GRB10: variants seen among roughly 807,000 people sequenced by gnomAD.
GRB10 encodes the protein growth factor receptor bound protein 10, also known as growth factor receptor-bound protein 10.
GRB10 carries 20 observed loss-of-function variants against 80.9 expected under a neutral mutation model. The ratio of observed to expected loss-of-function variants is 0.25; its 90% CI spans 0.17 to 0.36. The LOEUF (loss-of-function observed/expected upper bound fraction) is 0.36. Among genes scored for constraint, GRB10 ranks in the 10% least tolerant of loss-of-function variants. The probability of loss-of-function intolerance (pLI) is 1.00; values close to 1 mark genes in which losing one functional copy is unlikely to be tolerated. For synonymous variants in GRB10, 291 were observed against 291.5 expected (o/e 1.00, Z 0.02); for missense variants, 548 against 747.7 (o/e 0.73, Z 3.12).
chr7:50,633,413 A>C (rs919393597), intron 7 of GRB10, among the ~76,000 whole-genome samples: 1 of 152,224 alleles, frequency 6.6e-6, no homozygotes, highest in Non-Finnish European at 1.5e-5. Context: ...GAGGGAAGAA[A>C]AAATACCAAG....
At chr7:50,729,641 T>C (rs938640597) in intron 4 of GRB10, among the ~76,000 whole-genome samples, 5 of 152,136 alleles carry the variant, frequency 3.3e-5, no homozygotes, top group East Asian at 3.9e-4. Context: ...TGCCGTGGCA[T>C]AATAAATGAG....
chr7:50,729,724 C>G (rs2069303700), intron 4 of GRB10, among the ~76,000 whole-genome samples: 1 of 143,164 alleles, frequency 7.0e-6, no homozygotes, highest in Non-Finnish European at 1.5e-5. Flanking sequence ...CTAACGGAGC[C>G]CCCCCCGAAG....
At chr7:50,759,480 G>A (rs2075501495) in intron 2 of GRB10, among the ~76,000 whole-genome samples, 1 of 152,098 alleles carries the variant, frequency 6.6e-6, no homozygotes, top group Non-Finnish European at 1.5e-5. Context: ...ATAAAATGGC[G>A]TAGTATTTGG....
At chr7:50,793,416 C>CGCCCGGCCGCAGCTCGCT (rs1194699953) in exon 1 of GRB10, 1 of 148,642 alleles carries the variant, frequency 6.7e-6, no homozygotes, top group African/African-American at 2.4e-5. Context: ...GCGCCGAGCC[C>CGCCCGGCCGCAGCTCGCT]GCCCGGCCGC....
chr7:50,674,335 C>G lies in GRB10; in HGVS notation c.362+101G>C. The G allele has an allele frequency of 5.9e-6, 7 of 1,187,612 alleles. No individual in the cohort carries two copies. In the South Asian group the frequency reaches 6.4e-5, roughly 11 times the overall value. 73.6% of individuals were successfully genotyped at this position (1,187,612 alleles called of 1,614,324 possible). ...TATCTGCCTCTTGACTTTGCAAGAC[C>G]AACACTATTCCCCCCAACACCATTT... On this transcript the variant is annotated intron_variant, in intron 6 of 18. Transcript: ENST00000401949.
At chr7:50,701,313 T>C (rs1487410122) in intron 5 of GRB10, among the ~76,000 whole-genome samples, 1 of 152,194 alleles carries the variant, frequency 6.6e-6, no homozygotes, top group Non-Finnish European at 1.5e-5. Flanking sequence ...ATCATTCTTC[T>C]AGGCCAGGCA....
intron 5 of GRB10, among the ~76,000 whole-genome samples, chr7:50,695,112 TC>T (rs2063285968): frequency 6.6e-6 from 1 of 152,130 alleles, no homozygotes; most frequent in Admixed American, 6.5e-5. Flanking sequence ...CCATGACTTC[TC>T]CCCACTGCCT....
In GRB10 at chr7:50,627,112, C is replaced by T. The variant is rs1585915410; in HGVS notation, c.505-134G>A. The T allele has an allele frequency of 2.4e-5, 21 of 871,580 alleles. No individual in the cohort carries two copies. In the South Asian group the frequency reaches 2.8e-4, roughly 12 times the overall value. 54.0% of individuals were successfully genotyped at this position (871,580 alleles called of 1,614,324 possible). ...ATGGGCAACTGTTTTTCCAGGCAGC[C>T]AACAGGTCCCCACCAGCTGCAGGGA... On this transcript the variant is annotated intron_variant, in intron 7 of 18. Coordinates refer to ENST00000401949, the MANE Select transcript of GRB10 (RefSeq NM_001350814.2).
chr7:50,703,101 T>C (rs1364428726), intron 5 of GRB10, among the ~76,000 whole-genome samples: 1 of 152,250 alleles, frequency 6.6e-6, no homozygotes, highest in Non-Finnish European at 1.5e-5. Context: ...CTTCTAACAA[T>C]TGAGAAAACA....
Position 50,592,860 on chromosome 7 carries a change from C to T in GRB10, c.*92G>A, listed in dbSNP as rs779045152. The T allele has an allele frequency of 2.3e-5, 33 of 1,413,310 alleles. No individual in the cohort carries two copies. Among genetic ancestry groups the T allele is most frequent in the Non-Finnish European group, 2.8e-5 (28 of 1,000,728 alleles). 87.5% of individuals were successfully genotyped at this position (1,413,310 alleles called of 1,614,324 possible). ...CCATCTCGCTCTGGGTCCCCAGGTG[C>T]AGAATCGATGTGTGTTCTTCACCAA... On this transcript the variant is annotated 3_prime_UTR_variant, in exon 19 of 19. Transcript: ENST00000401949.
intron 5 of GRB10, among the ~76,000 whole-genome samples, chr7:50,697,182 G>A (rs368629080): frequency 1.3e-5 from 2 of 152,226 alleles, no homozygotes; most frequent in Non-Finnish European, 2.9e-5. Context: ...CAGAGTTTCT[G>A]TTTGGGGTGA....
intron 7 of GRB10, among the ~76,000 whole-genome samples, chr7:50,664,541 C>T (rs776103911): frequency 2.6e-5 from 4 of 152,240 alleles, no homozygotes; most frequent in Non-Finnish European, 4.4e-5. Flanking sequence ...TCCCAGGTCT[C>T]GGAGCACATC....
chr7:50,705,145 A>T (rs1563521840), intron 4 of GRB10: 3 of 985,428 alleles, frequency 3.0e-6, no homozygotes, highest in Non-Finnish European at 1.2e-6. Context: ...CTGACCTGGG[A>T]GCAAACAGGT....
At chr7:50,635,461 C>T (rs912855601) in intron 7 of GRB10, among the ~76,000 whole-genome samples, 12 of 151,452 alleles carry the variant, frequency 7.9e-5, no homozygotes, top group African/African-American at 2.4e-4. Flanking sequence ...TGTCACACCT[C>T]AAGGAACTAA....
At chr7:50,787,698 T>G (rs533173632), upstream of GRB10, among the ~76,000 whole-genome samples, 4 of 152,156 alleles carry the variant, frequency 2.6e-5, no homozygotes, top group Admixed American at 6.5e-5. Flanking sequence ...TCCTGACTTA[T>G]CCCTCCTGCG....
chr7:50,732,923 C>T (rs1053678081), intron 3 of GRB10, among the ~76,000 whole-genome samples: 3 of 151,988 alleles, frequency 2.0e-5, no homozygotes, highest in Admixed American at 1.3e-4. Flanking sequence ...CACCTAGTAC[C>T]GAATAAAATG....
intron 2 of GRB10, among the ~76,000 whole-genome samples, chr7:50,770,200 A>G (rs1221894658): frequency 4.6e-5 from 7 of 152,234 alleles, no homozygotes; most frequent in African/African-American, 1.2e-4. Flanking sequence ...TGCAGCATCT[A>G]GCATTACCAC....
chr7:50,656,195 G>A (rs547656227), intron 7 of GRB10, among the ~76,000 whole-genome samples: 14 of 152,336 alleles, frequency 9.2e-5, no homozygotes, highest in East Asian at 3.9e-4. Context: ...GGAGACAGGC[G>A]CGGGCTGAGC....
intron 1 of GRB10, among the ~76,000 whole-genome samples, chr7:50,788,096 T>C (rs2078769871): frequency 6.6e-6 from 1 of 152,252 alleles, no homozygotes; most frequent in Non-Finnish European, 1.5e-5. Context: ...ATTTAAAAGT[T>C]ACTCAATTCA....
Sources: gnomAD v4.1 joint callset for allele counts (sites outside exome capture counted in the v4.1 genomes callset) on GRCh38, gnomAD v4.1.1 for gene constraint, MANE v1.5 for transcripts, NCBI Gene and HGNC (gene_info 2026-07-23, HGNC 2026-07-21) for gene names.